TPPP2: variants seen among roughly 807,000 people sequenced by gnomAD.
The protein encoded by TPPP2 is tubulin polymerization-promoting protein family member 2.
Under a neutral mutation model 13.0 loss-of-function variants are expected in TPPP2, and 8 were observed. The ratio of observed to expected loss-of-function variants is 0.62; its 90% CI spans 0.36 to 1.11. The LOEUF is 1.11. Among genes scored for constraint, TPPP2 ranks in the 50% most tolerant of loss-of-function variants. The pLI is 0.02. For synonymous variants in TPPP2, 81 were observed against 81.8 expected (o/e 0.99, Z 0.05); for missense variants, 213 against 216.9 (o/e 0.98, Z 0.11).
At chr14:21,033,976 C>G (rs1448238302), downstream of TPPP2, 6 of 1,613,874 alleles carry the variant, frequency 3.7e-6, no homozygotes, top group African/African-American at 8.0e-5. Flanking sequence ...GGGAGGGAAT[C>G]CTGGGTGAGT....
In TPPP2 at chr14:21,031,184, C is replaced by T; in HGVS notation, c.327+19C>T. ...CGCTACTGTGAGTGACAGCCTTCAT[C>T]CCCTTGACCCTACTTCCCTAAATCC... On this transcript the variant is annotated intron_variant, in intron 3 of 3. Coordinates refer to ENST00000321760, the MANE Select transcript of TPPP2 (RefSeq NM_173846.5). The T allele has an allele frequency of 6.2e-7, 1 of 1,610,268 alleles. No homozygotes were observed. The highest frequency in any genetic ancestry group is 8.5e-7 in the Non-Finnish European group (1 of 1,178,242).
chr14:21,030,776 G>A (rs750560095), intron 2 of TPPP2, 22 bp downstream of exon 2: 1 of 1,611,042 alleles, frequency 6.2e-7, no homozygotes, highest in Non-Finnish European at 8.5e-7. Context: ...AAAATATGGA[G>A]GTGGGGGTGA....
In TPPP2 at chr14:21,025,070, C is replaced by T; in HGVS notation, n.236+726C>T. ...CGCTTCCACCTTCACTTGCCTTTGA[C>T]TCGGGCCCGCCCCGGCTCGGGCTTC... On this transcript the variant is annotated intron_variant and non_coding_transcript_variant, in intron 1 of 1. Coordinates refer to the TPPP2 transcript ENST00000533755. This position sits in a 1 kb window ranked among gnomAD's most constrained non-coding sequence, Gnocchi z 5.1. 1 of 986,260 alleles carries T rather than the reference C, an allele frequency of 1.0e-6. No individual in the cohort carries two copies. Among genetic ancestry groups the T allele is most frequent in the Non-Finnish European group, 1.2e-6 (1 of 830,714 alleles). 61.1% of individuals were successfully genotyped at this position (986,260 alleles called of 1,614,324 possible).
chr14:21,032,446 A>C lies in TPPP2; in HGVS notation c.*369A>C. On this transcript the variant is annotated 3_prime_UTR_variant, in exon 4 of 4. Coordinates refer to ENST00000321760, the MANE Select transcript of TPPP2 (RefSeq NM_173846.5). ...CCACCTCTCCACCCCCACCCCTCAAAAGGGTGTAGCAATTCCTCACGTGAT... is the reference window on the plus strand; with the variant it reads ...CCACCTCTCCACCCCCACCCCTCAACAGGGTGTAGCAATTCCTCACGTGAT... 2.4e-6 allele frequency: 1 copy of C among 410,798 alleles called. No individual in the cohort carries two copies. The allele number at this position is 410,798 out of a possible 1,614,324, so 25.4% of individuals were successfully genotyped here.
At chr14:21,034,137 T>C (rs773783067), downstream of TPPP2, 8 of 1,614,196 alleles carry the variant, frequency 5.0e-6, no homozygotes, top group South Asian at 6.6e-5. Context: ...ACCATTACAA[T>C]AGCCCCGGAA....
upstream of TPPP2, among the ~76,000 whole-genome samples, chr14:21,029,777 A>G (rs1883934390): frequency 6.6e-6 from 1 of 152,204 alleles, no homozygotes; most frequent in Admixed American, 6.5e-5. Flanking sequence ...GTGAGGACAC[A>G]GCAAGAAGGT....
downstream of TPPP2, chr14:21,034,532 G>T: frequency 2.0e-6 from 1 of 502,420 alleles, no homozygotes; most frequent in Non-Finnish European, 3.5e-6. Context: ...CAGAGTCCGT[G>T]AGCTACATTT....
In TPPP2 at chr14:21,030,929, A is replaced by T. The variant is rs1594475025; in HGVS notation, c.174-83A>T. On this transcript the variant is annotated intron_variant, in intron 2 of 3. Coordinates refer to ENST00000321760, the MANE Select transcript of TPPP2 (RefSeq NM_173846.5). ...ACTGATTGATAGGACAAAAGAGGCC[A>T]AATCTGAGTGAGGCAAGAGTTGGAC... 6.5e-6 allele frequency: 10 copies of T among 1,544,474 alleles called. No individual in the cohort carries two copies. In the East Asian group the frequency reaches 2.3e-4, roughly 35 times the overall value.
upstream of TPPP2, chr14:21,025,359 C>A: frequency 2.0e-6 from 2 of 985,264 alleles, no homozygotes; most frequent in Non-Finnish European, 2.4e-6. This position sits in a 1 kb window ranked among gnomAD's most constrained non-coding sequence, Gnocchi z 5.1. Context: ...TGAGAGGGAT[C>A]CCTCGGCTGC....
At chr14:21,034,583 T>A (rs535303754), downstream of TPPP2, 1 of 342,348 alleles carries the variant, frequency 2.9e-6, no homozygotes, top group South Asian at 9.0e-5. Context: ...TGAGAGACTC[T>A]TCCCAAGAGT....
chr14:21,025,232 C>T, upstream of TPPP2: 4 of 852,164 alleles, frequency 4.7e-6, no homozygotes, highest in Non-Finnish European at 5.6e-6. The surrounding 1 kb of genome is among the most constrained non-coding windows in gnomAD (Gnocchi z 5.1). Flanking sequence ...TGTGCTGGGG[C>T]CGGGGGGCGA....
intron 3 of TPPP2, 80 bp from the exon 4 acceptor site, chr14:21,031,812 A>C (rs961041774): frequency 1.4e-6 from 2 of 1,477,534 alleles, no homozygotes; most frequent in Non-Finnish European, 1.8e-6. Context: ...ACTTGTTCTA[A>C]GTATCTCGGG....
At chr14:21,025,233 CG>C, upstream of TPPP2, 6 of 851,660 alleles carry the variant, frequency 7.0e-6, no homozygotes, top group Non-Finnish European at 7.1e-6. This position sits in a 1 kb window ranked among gnomAD's most constrained non-coding sequence, Gnocchi z 5.1. Context: ...GTGCTGGGGC[CG>C]GGGGGCGAGG....
chr14:21,034,316 T>TG (rs1884469870), downstream of TPPP2: 2 of 1,569,008 alleles, frequency 1.3e-6, no homozygotes, highest in African/African-American at 2.7e-5. Flanking sequence ...TTAAGGTGGT[T>TG]GGGGGCAGCA....
At chr14:21,024,641 C>T (rs752482640) in intron 1 of TPPP2, 124 of 985,316 alleles carry the variant, frequency 1.3e-4, no homozygotes, top group Non-Finnish European at 1.5e-4. Flanking sequence ...GAGAGGAGAG[C>T]GGTCCCACAA....
In TPPP2 at chr14:21,030,753, A is replaced by C; in HGVS notation, c.172A>C (p.Lys58Gln). The change falls in exon 2 of 4, where the codon AAG (lysine) becomes CAG (glutamine). Residue 58 changes from lysine to glutamine, a missense_variant and splice_region_variant. Lys to Gln is a moderately conservative substitution (Grantham distance 53). Transcript: ENST00000321760. ...CGTGGACATCGTGTTCAGCAAAGTC[A>C]AGTGAGGAGCCAAAAATATGGAGGT... ...TDVDIVFSKV[K>Q]AKNARTITFQ... 1 of 1,613,600 alleles carries C rather than the reference A, an allele frequency of 6.2e-7. No homozygotes were observed.
chr14:21,030,777 G>C, intron 2 of TPPP2, 23 bp downstream of exon 2: 1 of 1,610,836 alleles, frequency 6.2e-7, no homozygotes, highest in Non-Finnish European at 8.5e-7. Flanking sequence ...AAATATGGAG[G>C]TGGGGGTGAG....
chr14:21,034,183 T>G (rs956132948), downstream of TPPP2: 1 of 1,613,902 alleles, frequency 6.2e-7, no homozygotes, highest in African/African-American at 1.3e-5. Flanking sequence ...TAGTCAATGC[T>G]TAAGGTATAG....
chr14:21,024,857 C>G (rs372405202), intron 1 of TPPP2: 1 of 985,618 alleles, frequency 1.0e-6, no homozygotes, highest in Admixed American at 6.1e-5. Context: ...ACCCCAAACA[C>G]GCCCTGCAGC....
Sources: gnomAD v4.1 joint callset for allele counts (sites outside exome capture counted in the v4.1 genomes callset) on GRCh38, gnomAD v4.1.1 for gene constraint, Gnocchi (gnomAD v3.1) non-coding constraint, MANE v1.5 for transcripts, NCBI Gene and HGNC (gene_info 2026-07-23, HGNC 2026-07-21) for gene names.